Variants in FAM120B observed in about 807,000 individuals in gnomAD.
FAM120B encodes the protein family with sequence similarity 120 member B, also known as constitutive coactivator of peroxisome proliferator-activated receptor gamma.
A neutral mutation model predicts 96.3 loss-of-function variants in FAM120B; 83 were observed. The ratio of observed to expected loss-of-function variants is 0.86; its 90% CI spans 0.72 to 1.03. The LOEUF (loss-of-function observed/expected upper bound fraction) is 1.03. FAM120B is among the 50% of genes least tolerant of loss of function. FAM120B has a pLI of 0.00. For missense variants in FAM120B, 1,027 were observed against 1,121.2 expected (o/e 0.92, Z 1.20); for synonymous variants, 407 against 402.7 (o/e 1.01, Z -0.13).
At chr6:170,361,990 C>T (rs979130617) in intron 6 of FAM120B, among the ~76,000 whole-genome samples, 1 of 152,102 alleles carries the variant, frequency 6.6e-6, no homozygotes, top group Non-Finnish European at 1.5e-5. Flanking sequence ...GACAGGGTTT[C>T]ACCATGTTGG....
chr6:170,403,800 C>T (rs1198748918), intron 9 of FAM120B, among the ~76,000 whole-genome samples: 1 of 152,242 alleles, frequency 6.6e-6, no homozygotes, highest in Non-Finnish European at 1.5e-5. Context: ...CTGCTGTGAT[C>T]ATCTGTGGTA....
At chr6:170,351,374 T>C (rs1170929236) in intron 5 of FAM120B, among the ~76,000 whole-genome samples, 2 of 152,166 alleles carry the variant, frequency 1.3e-5, no homozygotes, top group Non-Finnish European at 1.5e-5. Flanking sequence ...AAACATACTT[T>C]AGGATATCAT....
intron 9 of FAM120B, among the ~76,000 whole-genome samples, chr6:170,398,004 C>T (rs1367640613): frequency 1.3e-5 from 2 of 152,236 alleles, no homozygotes; most frequent in African/African-American, 4.8e-5. Context: ...CCCCTTTCTT[C>T]CCCCTGGGCC....
At chr6:170,381,942 G>A (rs75702553) in intron 6 of FAM120B, among the ~76,000 whole-genome samples, 4,732 of 152,188 alleles carry the variant, frequency 0.031, 240 homozygotes, top group African/African-American at 0.11. Flanking sequence ...CAATATCAGG[G>A]ATATTAGGGA....
intron 6 of FAM120B, among the ~76,000 whole-genome samples, chr6:170,386,873 T>A (rs1054802778): frequency 1.3e-5 from 2 of 152,212 alleles, no homozygotes; most frequent in African/African-American, 4.8e-5. Context: ...AATCCAGCAA[T>A]ATGTAAAACC....
At position 170,406,407 on chromosome 6, in the gene FAM120B, G is replaced by A. The variant is rs894852174; in HGVS notation, c.*1656G>A. 1 of 152,186 alleles carries A rather than the reference G, an allele frequency of 6.6e-6. No homozygotes were observed. Among genetic ancestry groups the A allele is most frequent in the Non-Finnish European group, 1.5e-5 (1 of 68,034 alleles). 9.4% of individuals were successfully genotyped at this position (152,186 alleles called of 1,614,324 possible). On this transcript the variant is annotated 3_prime_UTR_variant, in exon 11 of 11. Transcript: ENST00000476287. ...CCTGAACGTGCTTGCAGGCCAGTTT[G>A]TGTGCCTGCACTTGACGAATTACCT...
At chr6:170,386,977 G>A (rs1790220678) in intron 6 of FAM120B, among the ~76,000 whole-genome samples, 1 of 152,134 alleles carries the variant, frequency 6.6e-6, no homozygotes, top group African/African-American at 2.4e-5. Flanking sequence ...ATAAGAAAAA[G>A]GATATAATGG....
Position 170,361,224 on chromosome 6 carries a change from A to ATATATACG in FAM120B, c.2283+2912_2283+2913insCGTATATA, listed in dbSNP as rs1562567047. On this transcript the variant is annotated intron_variant, in intron 6 of 10. Coordinates refer to ENST00000476287, the MANE Select transcript of FAM120B (RefSeq NM_032448.3). ...TATATATATATATATATATATATAT[A>ATATATACG]TATATATATATACACGTATATATAT... Among the ~76,000 whole-genome samples the ATATATACG allele has an allele frequency of 1.9e-4, 22 of 115,064 alleles. No individual in the cohort carries two copies. The East Asian group carries it at 3.1e-3, about 16-fold the overall frequency. The allele number at this position is 115,064 out of a possible 152,430, so 75.5% of individuals were successfully genotyped here. A position where few individuals can be genotyped will look rare whatever the true frequency, so the allele number is the denominator to read the frequency against.
intron 6 of FAM120B, among the ~76,000 whole-genome samples, chr6:170,382,450 G>A (rs1430763393): frequency 2.0e-5 from 3 of 152,010 alleles, no homozygotes; most frequent in Non-Finnish European, 4.4e-5. Context: ...GTTCAGCAAG[G>A]CCTCAAGCTA....
chr6:170,295,345 C>A lies in FAM120B; in HGVS notation c.-61C>A. On this transcript the variant is annotated 5_prime_UTR_variant, in exon 1 of 11. Transcript: ENST00000537664. This position sits in a 1 kb window ranked among gnomAD's most constrained non-coding sequence, Gnocchi z 7.8. ...CACTCGGTTGCCGCGCGTGGACTTA[C>A]AAGCCCACGAAGCCATCGTTCGTCA... The A allele has an allele frequency of 1.4e-6, 1 of 698,572 alleles. No homozygotes were observed. Among genetic ancestry groups the A allele is most frequent in the Non-Finnish European group, 2.6e-6 (1 of 383,212 alleles). 43.3% of individuals were successfully genotyped at this position (698,572 alleles called of 1,614,324 possible). A position where few individuals can be genotyped will look rare whatever the true frequency, so the allele number is the denominator to read the frequency against.
intron 6 of FAM120B, among the ~76,000 whole-genome samples, chr6:170,380,745 T>C (rs908473387): frequency 6.6e-6 from 1 of 152,256 alleles, no homozygotes; most frequent in African/African-American, 2.4e-5. Context: ...TTTTGGATGT[T>C]AGCCCCTTAT....
rs1583281695 is a variant in FAM120B at position 170,370,935 on chromosome 6, C to T, written c.2283+12617C>T. 1.3e-5 allele frequency among the ~76,000 whole-genome samples: 2 copies of T among 152,186 alleles called. No homozygotes were observed. The highest frequency in any genetic ancestry group is 4.2e-4 in the South Asian group (2 of 4,814). ...AACACTGAGCCACCACCCCACCAAGCAAGAAATGGTGTATATATATCTCAA... is the reference window on the plus strand; with the variant it reads ...AACACTGAGCCACCACCCCACCAAGTAAGAAATGGTGTATATATATCTCAA... On this transcript the variant is annotated intron_variant, in intron 6 of 10. Coordinates refer to ENST00000476287, the MANE Select transcript of FAM120B (RefSeq NM_032448.3). This position sits in a 1 kb window ranked among gnomAD's most constrained non-coding sequence, Gnocchi z 4.3.
At chr6:170,380,036 C>G (rs1789811650) in intron 6 of FAM120B, among the ~76,000 whole-genome samples, 1 of 152,214 alleles carries the variant, frequency 6.6e-6, no homozygotes, top group African/African-American at 2.4e-5. Context: ...AACTCCCGTT[C>G]TGCCGTCTGT....
intron 3 of FAM120B, among the ~76,000 whole-genome samples, chr6:170,325,245 C>G (rs985383838): frequency 6.6e-5 from 10 of 152,114 alleles, no homozygotes; most frequent in Non-Finnish European, 1.5e-4. Context: ...CTCCAGTATT[C>G]TTACTGTTAA....
At chr6:170,387,275 C>G (rs1790238422) in intron 6 of FAM120B, among the ~76,000 whole-genome samples, 1 of 152,218 alleles carries the variant, frequency 6.6e-6, no homozygotes, top group Non-Finnish European at 1.5e-5. Flanking sequence ...ACGTTTCTTA[C>G]AGTGGTGAGC....
At chr6:170,347,968 T>A (rs1159241980) in intron 4 of FAM120B, among the ~76,000 whole-genome samples, 183 bp from the exon 5 acceptor site, 1 of 152,204 alleles carries the variant, frequency 6.6e-6, no homozygotes, top group African/African-American at 2.4e-5. Flanking sequence ...GAAACGTACG[T>A]ATGCCAGCCC....
intron 4 of FAM120B, among the ~76,000 whole-genome samples, chr6:170,333,826 A>G (rs1253983427): frequency 5.9e-5 from 9 of 152,212 alleles, no homozygotes; most frequent in Admixed American, 4.6e-4. Flanking sequence ...GAGCATGTAT[A>G]TAGGATATAT....
chr6:170,302,662 C>G (rs576558555), upstream of FAM120B, among the ~76,000 whole-genome samples: 1 of 152,324 alleles, frequency 6.6e-6, no homozygotes, highest in East Asian at 1.9e-4. Context: ...CATTAACCCC[C>G]AAATTCGCTC....
chr6:170,322,686 A>T (rs563363681), intron 2 of FAM120B, among the ~76,000 whole-genome samples: 3 of 152,176 alleles, frequency 2.0e-5, no homozygotes, highest in African/African-American at 7.2e-5. Flanking sequence ...TAGGGTAGCA[A>T]AGTTTTCAAA....
Sources: allele counts gnomAD v4.1 joint callset (sites outside exome capture counted in the v4.1 genomes callset), GRCh38; gene constraint gnomAD v4.1.1; non-coding constraint Gnocchi (gnomAD v3.1); transcripts MANE v1.5; gene names NCBI Gene and HGNC (gene_info 2026-07-23, HGNC 2026-07-21).